Variants in SPTA1 observed in about 807,000 individuals in gnomAD.
SPTA1 encodes the protein spectrin alpha chain, erythrocytic 1.
In SPTA1, 177 loss-of-function variants were observed where a neutral mutation model predicts 324.7. The observed-to-expected ratio is 0.55, with a 90% confidence interval of 0.48 to 0.62. SPTA1 has a LOEUF of 0.62. SPTA1 is among the 20% of genes least tolerant of loss of function. SPTA1 has a pLI of 0.00. For missense variants in SPTA1, 3,162 were observed against 2,883.6 expected, an observed-to-expected ratio of 1.10 and a Z score of -2.21; for synonymous variants, 1,195 against 1,041.3, an observed-to-expected ratio of 1.15 and a Z score of -2.84.
Position 158,674,598 on chromosome 1 carries a change from T to C in SPTA1, c.1190A>G (p.Glu397Gly), listed in dbSNP as rs1654274309. Reference protein sequence around the residue: ...NEKTAAINADELPTDVAGGEV... With the variant: ...NEKTAAINADGLPTDVAGGEV... ...TCCACCAGCCACATCTGTTGGCAGC[T>C]CATCAGCATTGATCGCAGCAGTCTT... is the stretch of plus-strand genomic sequence containing the variant. Residue 397 changes from glutamate (E) to glycine (G), a missense_variant, in exon 9 of 52, where the codon GAG becomes GGG. Transcript: ENST00000643759. 1 of 1,613,994 alleles carries C rather than the reference T, an allele frequency of 6.2e-7. No individual in the cohort carries two copies. The highest frequency in any genetic ancestry group is 1.3e-5 in the African/African-American group (1 of 74,922).
intron 39 of SPTA1, among the ~76,000 whole-genome samples, chr1:158,633,456 C>T (rs577704038): frequency 5.3e-5 from 8 of 151,770 alleles, no homozygotes; most frequent in Admixed American, 3.3e-4. Flanking sequence ...GTCAGGAGAT[C>T]GAAACCATCC....
In SPTA1 at chr1:158,620,402, A is replaced by T; in HGVS notation, c.6185T>A (p.Met2062Lys). Residue 2062 changes from methionine (M) to lysine (K), a missense_variant, in exon 44 of 52, where the codon ATG (methionine) becomes AAG (lysine). Transcript: ENST00000643759. ...CACAGGCTCTGACAAGTTTTCTTCC[A>T]TCTTTTCACACCAGTTGTTCAAAGC... Reference protein sequence around the residue: ...ASALNNWCEKMEENLSEPVHC... With the variant: ...ASALNNWCEKKEENLSEPVHC... 6.2e-7 allele frequency: 1 copy of T among 1,613,922 alleles called. No individual in the cohort carries two copies. The highest frequency in any genetic ancestry group is 8.5e-7 in the Non-Finnish European group (1 of 1,180,030).
chr1:158,622,054 C>T (rs1167726393), intron 43 of SPTA1, among the ~76,000 whole-genome samples: 1 of 152,074 alleles, frequency 6.6e-6, no homozygotes, highest in African/African-American at 2.4e-5. Flanking sequence ...TTAGTAGAGA[C>T]GGTGTTTCAC....
At chr1:158,622,100 G>A (rs924897252) in intron 43 of SPTA1, among the ~76,000 whole-genome samples, 4 of 152,196 alleles carry the variant, frequency 2.6e-5, no homozygotes, top group African/African-American at 7.2e-5. Flanking sequence ...TTCTGATCTA[G>A]TGATCCACCT....
rs1175676639 is a variant in SPTA1 at position 158,647,572 on chromosome 1, G to A, written c.3863C>T (p.Ala1288Val). Reference protein sequence around the residue: ...TKDRKESLNEAQKFYLFLSKA... With the variant: ...TKDRKESLNEVQKFYLFLSKA... The stretch of plus-strand genomic sequence containing the variant: ...GCTGAGGAACAGGTAGAATTTCTGG[G>A]CCTCATTTAGGCTCTCCTTACGATC... Residue 1288 changes from alanine (A) to valine (V), a missense_variant, in exon 27 of 52, where the codon GCC becomes GTC. By Grantham distance (64) the Ala-to-Val change is moderately conservative. Transcript: ENST00000643759. 4 of 1,613,508 alleles carry A rather than the reference G, an allele frequency of 2.5e-6. No individual in the cohort carries two copies. Among genetic ancestry groups the A allele is most frequent in the Non-Finnish European group, 1.7e-6 (2 of 1,179,874 alleles).
In SPTA1 at chr1:158,627,673, C is replaced by G. The variant is rs376695662; in HGVS notation, c.5616G>C (p.Glu1872Asp). Residue 1872 changes from glutamate (E) to aspartate (D), a missense_variant, in exon 40 of 52, where the codon GAG (glutamate) becomes GAC (aspartate). Physicochemically the swap from Glu to Asp is conservative, Grantham distance 45. Transcript: ENST00000643759. Reference protein sequence around the residue: ...EALENDFAVHETRVQNVCAQG... With the variant: ...EALENDFAVHDTRVQNVCAQG... ...GTGCACACACATTTTGTACTCGGGT[C>G]TCATGGACAGCAAAGTCATTTTCCA... 3.3e-5 allele frequency: 54 copies of G among 1,613,420 alleles called. No individual in the cohort carries two copies. The African/African-American group carries it at 6.5e-4, about 20-fold the overall frequency.
At position 158,627,732 on chromosome 1, in the gene SPTA1, A is replaced by G. The variant is rs1208413470; in HGVS notation, c.5566-9T>C. On this transcript the variant is annotated splice_polypyrimidine_tract_variant and intron_variant, in intron 39 of 51. Coordinates refer to ENST00000643759, the MANE Select transcript of SPTA1 (RefSeq NM_003126.4). ...TGCTTCATTAGCAAGCTCTGCATAAATAAGTCGGTGAGAATTAAGATATCC... is the reference window on the plus strand; with the variant it reads ...TGCTTCATTAGCAAGCTCTGCATAAGTAAGTCGGTGAGAATTAAGATATCC... The G allele has an allele frequency of 6.2e-7, 1 of 1,610,404 alleles. No homozygotes were observed. The highest frequency in any genetic ancestry group is 8.5e-7 in the Non-Finnish European group (1 of 1,179,148).
intron 41 of SPTA1, 135 bp from the exon 42 acceptor site, chr1:158,626,357 G>A: frequency 1.2e-6 from 1 of 840,210 alleles, no homozygotes; most frequent in Non-Finnish European, 2.0e-6. Flanking sequence ...TGGAATATGT[G>A]AGCAGTGGGA....
At chr1:158,656,497 A>C in intron 20 of SPTA1, 67 bp downstream of exon 20, 2 of 1,429,624 alleles carry the variant, frequency 1.4e-6, no homozygotes, top group Non-Finnish European at 2.0e-6. Flanking sequence ...AAAAATCAGC[A>C]ATAAAGACAA....
intron 41 of SPTA1, 126 bp from the exon 42 acceptor site, chr1:158,626,348 G>T: frequency 1.1e-6 from 1 of 907,384 alleles, no homozygotes; most frequent in Non-Finnish European, 1.8e-6. Context: ...ATGATTAATT[G>T]GAATATGTGA....
At chr1:158,678,622 A>T (rs1395900727) in intron 5 of SPTA1, 88 bp from the exon 6 acceptor site, 2 of 1,468,628 alleles carry the variant, frequency 1.4e-6, no homozygotes, top group Non-Finnish European at 9.3e-7. Context: ...ACATTAGTTC[A>T]TACTTTTACA....
intron 25 of SPTA1, 83 bp downstream of exon 25, chr1:158,649,773 T>TA (rs1417204314): frequency 8.7e-7 from 1 of 1,154,708 alleles, no homozygotes; most frequent in Non-Finnish European, 1.3e-6. Context: ...AAGATTATAC[T>TA]ATGGTTCCAC....
chr1:158,652,536 C>CT lies in SPTA1; in HGVS notation c.3305dup (p.Ala1103GlyfsTer10). The CT allele has an allele frequency of 6.2e-7, 1 of 1,614,124 alleles. No homozygotes were observed. The highest frequency in any genetic ancestry group is 8.5e-7 in the Non-Finnish European group (1 of 1,180,034). On this transcript the variant is annotated frameshift_variant, in exon 23 of 52. Coordinates refer to ENST00000643759, the MANE Select transcript of SPTA1 (RefSeq NM_003126.4). LOFTEE classifies it high-confidence loss of function. ...CTAGTTCCACTCCAGTGTTTTCTGCCTTTTTCTCTTGAATCCATTCCAGCA... is the reference window on the plus strand; with the variant it reads ...CTAGTTCCACTCCAGTGTTTTCTGCCTTTTTTCTCTTGAATCCATTCCAGCA...
At position 158,681,965 on chromosome 1, in the gene SPTA1, T is replaced by C. The variant is rs186665739; in HGVS notation, c.391-298A>G. ...GAAGAAAGCATGGAAAAGTGTTCAT[T>C]TGAACTGAGCCTTATGGAGCAGAAA... is the stretch of plus-strand genomic sequence containing the variant. On this transcript the variant is annotated intron_variant, in intron 3 of 51. Transcript: ENST00000643759. 3.3e-5 allele frequency among the ~76,000 whole-genome samples: 5 copies of C among 152,300 alleles called. No homozygotes were observed. The East Asian group carries it at 9.6e-4, about 29-fold the overall frequency.
chr1:158,657,694 C>A lies in SPTA1; in HGVS notation c.2588G>T (p.Gly863Val), dbSNP rs1477677632. The change falls in exon 19 of 52, where the codon GGA (glycine) becomes GTA (valine). Residue 863 changes from glycine (G) to valine (V), a missense_variant and splice_region_variant. Physicochemically the swap from Gly to Val is moderately radical, Grantham distance 109 (BLOSUM62 -3). Transcript: ENST00000643759. The stretch of plus-strand genomic sequence containing the variant: ...GGCCACATCTTCTGCAGCAAAGTGT[C>A]CTATGGAGTAATTATAGAAAAGGTG... ...TERGNKMVEE[G>V]HFAAEDVASR... is the part of the protein sequence containing the mutation. The A allele has an allele frequency of 6.2e-7, 1 of 1,613,904 alleles. No homozygotes were observed. The highest frequency in any genetic ancestry group is 1.1e-5 in the South Asian group (1 of 91,074).
In SPTA1 at chr1:158,636,697, G is replaced by A. The variant is rs1421931458; in HGVS notation, c.5254C>T (p.Leu1752=). 6 of 1,614,132 alleles carry A rather than the reference G, an allele frequency of 3.7e-6. No individual in the cohort carries two copies. In the South Asian group the frequency reaches 5.5e-5, roughly 15 times the overall value. ...GRDLQGVQNL[L]KKHKRLEGEL... ...CCCTCTAGGCGTTTGTGCTTCTTCA[G>A]CAAGTTCTGAACCCCCTGAAGATCT... The change falls in exon 37 of 52, where the codon CTG becomes TTG. Residue 1752 remains leucine, a synonymous_variant. Transcript: ENST00000643759.
At chr1:158,666,651 TA>T (rs1653625768) in intron 15 of SPTA1, among the ~76,000 whole-genome samples, 154 bp from the exon 16 acceptor site, 2 of 152,220 alleles carry the variant, frequency 1.3e-5, no homozygotes, top group Non-Finnish European at 2.9e-5. Flanking sequence ...AAAGTCATCT[TA>T]AATTTGTAGA....
intron 3 of SPTA1, 145 bp from the exon 4 acceptor site, chr1:158,681,812 A>C: frequency 1.9e-6 from 2 of 1,069,160 alleles, no homozygotes; most frequent in Non-Finnish European, 2.8e-6. Flanking sequence ...TAAAAGAGGA[A>C]ATAGGATAGA....
At chr1:158,644,505 A>G in intron 29 of SPTA1, 109 bp from the exon 30 acceptor site, 2 of 1,293,572 alleles carry the variant, frequency 1.5e-6, no homozygotes, top group South Asian at 2.4e-5. Flanking sequence ...AGGAGTACTT[A>G]CCATCTTCCA....
Sources: allele counts gnomAD v4.1 joint callset (sites outside exome capture counted in the v4.1 genomes callset), GRCh38; gene constraint gnomAD v4.1.1; transcripts MANE v1.5; gene names NCBI Gene and HGNC (gene_info 2026-07-23, HGNC 2026-07-21).